The following PSD3 variants were observed in gnomAD, a reference collection of about 807,000 sequenced individuals.
PSD3 encodes pleckstrin and Sec7 domain containing 3.
PSD3 carries 49 observed loss-of-function variants against 105.5 expected under a neutral mutation model. The observed-to-expected ratio is 0.46, with a 90% confidence interval of 0.37 to 0.59. The LOEUF (loss-of-function observed/expected upper bound fraction) is 0.59. Among genes scored for constraint, PSD3 ranks in the 20% least tolerant of loss-of-function variants. PSD3 has a pLI of 0.00. For synonymous variants in PSD3, 557 were observed against 457.8 expected (o/e 1.22, Z -2.77); for missense variants, 1,561 against 1,263.8 (o/e 1.24, Z -3.57).
At chr8:18,625,719 A>G (rs1806427101) in intron 11 of PSD3, among the ~76,000 whole-genome samples, 1 of 152,190 alleles carries the variant, frequency 6.6e-6, no homozygotes, top group Admixed American at 6.5e-5. Flanking sequence ...CACCAGATAC[A>G]CTGCTATTCT....
chr8:18,998,465 A>T (rs1826199382), intron 1 of PSD3, among the ~76,000 whole-genome samples: 1 of 151,904 alleles, frequency 6.6e-6, no homozygotes, highest in Non-Finnish European at 1.5e-5. Context: ...AGGCGGGTGG[A>T]TCACAAGGTC....
intron 11 of PSD3, among the ~76,000 whole-genome samples, chr8:18,629,579 T>TAACA (rs1806746500): frequency 6.6e-6 from 1 of 151,950 alleles, no homozygotes; most frequent in Non-Finnish European, 1.5e-5. Context: ...CTGCAAAGAA[T>TAACA]AACACTAAGT....
rs144705102 is a variant in PSD3 at position 18,680,206 on chromosome 8, C to G, written c.2173-24521G>C. ...AGGACTGTGGAAATGTCTGGGAGAA[C>G]TGAGGCTTAAATCAACATTTTCTAA... On this transcript the variant is annotated intron_variant, in intron 9 of 15. Coordinates refer to ENST00000327040, the MANE Select transcript of PSD3 (RefSeq NM_015310.4). 1.1e-3 allele frequency among the ~76,000 whole-genome samples: 174 copies of G among 152,234 alleles called. 1 individual carries two copies. The highest frequency in any genetic ancestry group is 4.0e-3 in the African/African-American group (165 of 41,556).
intron 10 of PSD3, among the ~76,000 whole-genome samples, chr8:18,638,730 T>C (rs377764872): frequency 1.3e-5 from 2 of 152,066 alleles, no homozygotes; most frequent in Admixed American, 1.3e-4. Context: ...TTTATAGGGA[T>C]AGAAAAAATA....
chr8:18,580,125 CTCAT>C lies in PSD3; in HGVS notation c.2482-4844_2482-4841del, dbSNP rs1207759642. 4.0e-5 allele frequency among the ~76,000 whole-genome samples: 6 copies of C among 150,276 alleles called. No individual in the cohort carries two copies. In the East Asian group the frequency reaches 1.2e-3, roughly 29 times the overall value. The stretch of plus-strand genomic sequence containing the variant: ...TGTCTGATTAGGCGTCTTTCTAAAA[CTCAT>C]TCAGCTTCGTCCTAATAACTATTTC... On this transcript the variant is annotated intron_variant, in intron 12 of 15. Coordinates refer to ENST00000327040, the MANE Select transcript of PSD3 (RefSeq NM_015310.4).
At chr8:19,056,095 T>C (rs1021444189) in intron 1 of PSD3, among the ~76,000 whole-genome samples, 2 of 152,270 alleles carry the variant, frequency 1.3e-5, no homozygotes, top group African/African-American at 4.8e-5. Context: ...ATTCTTTGAC[T>C]TTTAATCTCA....
chr8:18,908,284 A>G (rs558474939), intron 2 of PSD3, among the ~76,000 whole-genome samples: 1 of 152,294 alleles, frequency 6.6e-6, no homozygotes, highest in Non-Finnish European at 1.5e-5. Context: ...TTTTGGAAAT[A>G]TACACTTTAA....
chr8:18,715,913 G>C (rs1585710230), intron 9 of PSD3, among the ~76,000 whole-genome samples: 1 of 152,206 alleles, frequency 6.6e-6, no homozygotes, highest in East Asian at 1.9e-4. Flanking sequence ...AAAATGCAAA[G>C]CATCTAACTT....
At chr8:18,601,052 A>G (rs1053966045) in intron 11 of PSD3, among the ~76,000 whole-genome samples, 3 of 152,204 alleles carry the variant, frequency 2.0e-5, no homozygotes, top group African/African-American at 7.2e-5. Flanking sequence ...GTATGACTTG[A>G]CAGGAGGTAT....
chr8:18,885,294 T>C (rs896290800), intron 2 of PSD3, among the ~76,000 whole-genome samples: 17 of 152,244 alleles, frequency 1.1e-4, no homozygotes, highest in African/African-American at 4.1e-4. Flanking sequence ...TTTAATTTTA[T>C]TTTTAAAAGA....
intron 8 of PSD3, among the ~76,000 whole-genome samples, chr8:18,765,964 T>C (rs1318763545): frequency 5.6e-5 from 6 of 107,076 alleles, no homozygotes; most frequent in Non-Finnish European, 9.8e-5. Context: ...CGAGACTCCA[T>C]CTCAAAAAAA....
intron 1 of PSD3, among the ~76,000 whole-genome samples, chr8:19,058,187 C>G (rs888444102): frequency 6.6e-6 from 1 of 152,090 alleles, no homozygotes; most frequent in Non-Finnish European, 1.5e-5. Context: ...AAACAAGTCT[C>G]AGTGGGTTAC....
intron 8 of PSD3, among the ~76,000 whole-genome samples, chr8:18,777,953 C>G (rs1314240014): frequency 6.6e-6 from 1 of 152,112 alleles, no homozygotes; most frequent in East Asian, 1.9e-4. Flanking sequence ...GTAATTTTAT[C>G]CACGTTACCG....
At chr8:19,028,299 C>CTTT (rs397689140) in intron 1 of PSD3, among the ~76,000 whole-genome samples, 37 of 96,160 alleles carry the variant, frequency 3.8e-4, no homozygotes, top group African/African-American at 1.5e-3. Flanking sequence ...CCGGCCCACC[C>CTTT]TTTTTTTTTT....
chr8:18,578,366 G>A (rs953387569), intron 12 of PSD3, among the ~76,000 whole-genome samples: 1 of 152,078 alleles, frequency 6.6e-6, no homozygotes, highest in African/African-American at 2.4e-5. Flanking sequence ...TCCAGCTACG[G>A]CTGCATCCAG....
rs752543857 is a variant in PSD3 at position 18,872,561 on chromosome 8, G to C, written c.303C>G (p.His101Gln). ...CTTCTGTAACACTGTCGAGCCCAGA[G>C]TGGCAGCCAGTAAGAGGCTGGACAC... ...QQGVQPLTGCHSGLDSVTEGP... is the reference protein window; with the variant it reads ...QQGVQPLTGCQSGLDSVTEGP... The change falls in exon 3 of 16, where the codon CAC (histidine) becomes CAG (glutamine). Residue 101 changes from histidine to glutamine, a missense_variant. Physicochemically the swap from His to Gln is conservative, Grantham distance 24. Transcript: ENST00000327040. 15 of 1,613,968 alleles carry C rather than the reference G, an allele frequency of 9.3e-6. No individual in the cohort carries two copies. The East Asian group carries it at 2.5e-4, about 26-fold the overall frequency.
chr8:19,080,255 C>T (rs886358996), intron 1 of PSD3, among the ~76,000 whole-genome samples: 6 of 152,116 alleles, frequency 3.9e-5, no homozygotes, highest in African/African-American at 1.4e-4. Context: ...TTCATAGATG[C>T]ATAGGTATTA....
intron 14 of PSD3, among the ~76,000 whole-genome samples, chr8:18,562,530 G>C (rs1183452473): frequency 6.6e-6 from 1 of 152,148 alleles, no homozygotes; most frequent in Admixed American, 6.6e-5. Flanking sequence ...GGTCTCCTCT[G>C]CTATAGCTCT....
At chr8:18,950,169 A>G (rs971891255) in intron 1 of PSD3, among the ~76,000 whole-genome samples, 3 of 152,224 alleles carry the variant, frequency 2.0e-5, no homozygotes, top group African/African-American at 7.2e-5. Context: ...TTATAAAGAA[A>G]CAAACTATTT....
Sources: allele counts gnomAD v4.1 joint callset (sites outside exome capture counted in the v4.1 genomes callset), GRCh38; gene constraint gnomAD v4.1.1; transcripts MANE v1.5; gene names NCBI Gene and HGNC (gene_info 2026-07-23, HGNC 2026-07-21).